The following IMMP2L variants were observed in gnomAD, a reference collection of about 807,000 sequenced individuals.
IMMP2L encodes inner mitochondrial membrane peptidase subunit 2, also known as mitochondrial inner membrane protease subunit 2.
Under a neutral mutation model 19.3 loss-of-function variants are expected in IMMP2L, and 18 were observed. The ratio of observed to expected loss-of-function variants is 0.93; its 90% CI spans 0.64 to 1.38. The LOEUF (loss-of-function observed/expected upper bound fraction) is 1.38, where lower values mean the gene tolerates loss of function less well. Among genes scored for constraint, IMMP2L ranks in the 40% most tolerant of loss-of-function variants. The pLI is 0.00. For missense variants in IMMP2L, 233 were observed against 218.2 expected (o/e 1.07, Z -0.43); for synonymous variants, 76 against 73.0 (o/e 1.04, Z -0.21).
At chr7:111,556,018 G>GTATATATA (rs1554550149) in intron 1 of IMMP2L, among the ~76,000 whole-genome samples, 1,409 of 91,342 alleles carry the variant, frequency 0.015, 153 homozygotes, top group Non-Finnish European at 0.024. Flanking sequence ...CTGTGTGCAT[G>GTATATATA]TATATATATA....
chr7:111,382,865 A>C (rs1831339777), intron 3 of IMMP2L, among the ~76,000 whole-genome samples: 1 of 152,138 alleles, frequency 6.6e-6, no homozygotes, highest in Non-Finnish European at 1.5e-5. Context: ...CAGGTTATAC[A>C]GTAATTACCG....
In IMMP2L at chr7:111,065,717, A is replaced by G. The variant is rs547399918; in HGVS notation, c.240-102152T>C. Among the ~76,000 whole-genome samples the G allele has an allele frequency of 1.8e-4, 27 of 152,292 alleles. 1 individual carries two copies. Among genetic ancestry groups the G allele is most frequent in the African/African-American group, 6.3e-4 (26 of 41,566 alleles). On this transcript the variant is annotated intron_variant, in intron 3 of 5. Coordinates refer to ENST00000405709, the MANE Select transcript of IMMP2L (RefSeq NM_032549.4). ...TCCTGTTCTCGAACATCGGACTCCAAGTTCTCCTGTTCTCGAACATTGGAC... is the reference window on the plus strand; with the variant it reads ...TCCTGTTCTCGAACATCGGACTCCAGGTTCTCCTGTTCTCGAACATTGGAC...
intron 3 of IMMP2L, among the ~76,000 whole-genome samples, chr7:111,220,764 G>C (rs1259321419): frequency 1.3e-5 from 2 of 152,020 alleles, no homozygotes; most frequent in African/African-American, 4.8e-5. Flanking sequence ...AGGAAAGACA[G>C]TGATGTAGTC....
chr7:111,559,241 C>T (rs11972011), intron 1 of IMMP2L, among the ~76,000 whole-genome samples: 118,275 of 152,054 alleles, frequency 0.78, 47,729 homozygotes, highest in East Asian at 0.97. Context: ...TTCTCAGTTT[C>T]CAGAGCAGTA....
At chr7:111,038,168 C>A (rs1472128903) in intron 3 of IMMP2L, among the ~76,000 whole-genome samples, 1 of 152,012 alleles carries the variant, frequency 6.6e-6, no homozygotes. Flanking sequence ...AGCCTGTGGC[C>A]ACCTAAAAGT....
intron 3 of IMMP2L, among the ~76,000 whole-genome samples, chr7:111,398,576 G>T (rs913937673): frequency 2.0e-5 from 3 of 151,982 alleles, no homozygotes; most frequent in Admixed American, 2.0e-4. Context: ...AGACAAGGAT[G>T]CCCCCTCCCA....
At position 111,463,425 on chromosome 7, in the gene IMMP2L, T is replaced by C. The variant is rs190635076; in HGVS notation, c.239+23813A>G. ...ATCCCAGAGGCTAACCTCTGTGAAC[T>C]GCATCATCCATGCTTCTTTAATTTC... On this transcript the variant is annotated intron_variant, in intron 3 of 5. Coordinates refer to ENST00000405709, the MANE Select transcript of IMMP2L (RefSeq NM_032549.4). Among the ~76,000 whole-genome samples, 312 of 152,268 alleles carry C rather than the reference T, an allele frequency of 2.0e-3. 1 individual carries two copies. Among genetic ancestry groups the C allele is most frequent in the Non-Finnish European group, 3.2e-3 (217 of 68,018 alleles).
At position 111,487,209 on chromosome 7, in the gene IMMP2L, C is replaced by A. The variant is rs530511312; in HGVS notation, c.239+29G>T. The A allele has an allele frequency of 6.0e-6, 6 of 1,002,478 alleles. No individual in the cohort carries two copies. The South Asian group carries it at 8.1e-5, about 14-fold the overall frequency. 62.1% of individuals were successfully genotyped at this position (1,002,478 alleles called of 1,614,324 possible). On this transcript the variant is annotated intron_variant, in intron 3 of 5. Transcript: ENST00000405709. ...GCATAAGTATAAATAATTTTATATA[C>A]AAATATAGTATGCTTCTGAGTTACT...
chr7:111,168,461 A>G (rs1806075854), intron 3 of IMMP2L, among the ~76,000 whole-genome samples: 1 of 151,912 alleles, frequency 6.6e-6, no homozygotes, highest in African/African-American at 2.4e-5. Context: ...AGGTCAGTGC[A>G]TTTTAAACCA....
At chr7:111,153,939 A>G (rs1188089965) in intron 3 of IMMP2L, among the ~76,000 whole-genome samples, 1 of 152,092 alleles carries the variant, frequency 6.6e-6, no homozygotes, top group Non-Finnish European at 1.5e-5. Flanking sequence ...ATTTCCTAAC[A>G]CTTATTCAAA....
intron 3 of IMMP2L, among the ~76,000 whole-genome samples, chr7:111,061,252 C>T (rs1214148419): frequency 6.6e-6 from 1 of 152,068 alleles, no homozygotes; most frequent in African/African-American, 2.4e-5. Context: ...TTATTCAGAG[C>T]ACAGAGATTA....
At chr7:111,243,165 C>T (rs191792685) in intron 3 of IMMP2L, among the ~76,000 whole-genome samples, 134 of 152,142 alleles carry the variant, frequency 8.8e-4, no homozygotes, top group African/African-American at 3.2e-3. Flanking sequence ...TATGGCATGA[C>T]GTTGCCTTGC....
At chr7:111,134,858 G>C (rs1425985124) in intron 3 of IMMP2L, among the ~76,000 whole-genome samples, 2 of 151,982 alleles carry the variant, frequency 1.3e-5, no homozygotes, top group African/African-American at 4.8e-5. Flanking sequence ...CCTGATGCTA[G>C]CTCCTAATTT....
At chr7:111,384,536 C>G (rs1482543316) in intron 3 of IMMP2L, among the ~76,000 whole-genome samples, 1 of 152,074 alleles carries the variant, frequency 6.6e-6, no homozygotes, top group Non-Finnish European at 1.5e-5. Flanking sequence ...TTGCTGCACT[C>G]TATCAGCACT....
At chr7:110,990,157 T>A (rs988032656) in intron 3 of IMMP2L, among the ~76,000 whole-genome samples, 1 of 152,188 alleles carries the variant, frequency 6.6e-6, no homozygotes, top group Admixed American at 6.5e-5. Context: ...AGGAATTTAA[T>A]TATATACATA....
intron 3 of IMMP2L, chr7:111,393,008 C>T (rs1388737147): frequency 2.0e-5 from 7 of 351,282 alleles, no homozygotes; most frequent in Non-Finnish European, 3.4e-5. Context: ...ATTACATAAG[C>T]GTTATTCATT....
intron 4 of IMMP2L, among the ~76,000 whole-genome samples, chr7:110,903,851 C>A (rs1283319201): frequency 1.3e-5 from 2 of 151,668 alleles, no homozygotes; most frequent in Admixed American, 6.6e-5. Flanking sequence ...CGACAGTGTT[C>A]AAGGGTTCCA....
chr7:110,815,881 C>T (rs570557260), intron 5 of IMMP2L, among the ~76,000 whole-genome samples: 20 of 152,008 alleles, frequency 1.3e-4, no homozygotes, highest in East Asian at 7.8e-4. Context: ...GTCTTGCTAG[C>T]GGTCTATCAA....
chr7:111,081,910 A>T lies in IMMP2L; in HGVS notation c.240-118345T>A, dbSNP rs192005090. On this transcript the variant is annotated intron_variant, in intron 3 of 5. Transcript: ENST00000405709. ...GCAAACCCTACTTTCCAGAGTGAGG[A>T]AGAAAGAATGATTGCCTGATATTTT... is the stretch of plus-strand genomic sequence containing the variant. Among the ~76,000 whole-genome samples, 296 of 152,348 alleles carry T rather than the reference A, an allele frequency of 1.9e-3. 1 individual carries two copies. The highest frequency in any genetic ancestry group is 6.9e-3 in the African/African-American group (286 of 41,586).
Sources: allele counts gnomAD v4.1 joint callset (sites outside exome capture counted in the v4.1 genomes callset), GRCh38; gene constraint gnomAD v4.1.1; transcripts MANE v1.5; gene names NCBI Gene and HGNC (gene_info 2026-07-23, HGNC 2026-07-21).